KHDRBS2: variants seen among roughly 807,000 people sequenced by gnomAD.
KHDRBS2 encodes the protein KH RNA binding domain containing, signal transduction associated 2, also known as KH domain-containing, RNA-binding, signal transduction-associated protein 2.
In KHDRBS2, 26 loss-of-function variants were observed where a neutral mutation model predicts 44.3. The observed-to-expected ratio is 0.59, with a 90% CI of 0.43 to 0.81. The LOEUF (loss-of-function observed/expected upper bound fraction) is 0.81, where lower values mean the gene tolerates loss of function less well. Ranked by LOEUF, KHDRBS2 falls within the 40% of genes least tolerant of loss-of-function variation. KHDRBS2 has a pLI of 0.00. For synonymous variants in KHDRBS2, 194 were observed against 151.1 expected (o/e 1.28, Z -2.08); for missense variants, 476 against 433.1 (o/e 1.10, Z -0.88).
intron 2 of KHDRBS2, among the ~76,000 whole-genome samples, chr6:62,105,506 G>T (rs979944526): frequency 1.7e-4 from 26 of 152,236 alleles, no homozygotes; most frequent in Middle Eastern, 3.4e-3. Flanking sequence ...TTAGTCTTGG[G>T]AGGGTGTATG....
chr6:61,561,427 G>A, the KHDRBS2 span, among the ~76,000 whole-genome samples: 3,717 of 152,260 alleles, frequency 0.024, 70 homozygotes, highest in Middle Eastern at 0.085. Context: ...GTCCTTCTAC[G>A]AAGGGCAGTG....
chr6:62,164,338 C>T (rs1271171359), intron 2 of KHDRBS2, among the ~76,000 whole-genome samples: 1 of 151,914 alleles, frequency 6.6e-6, no homozygotes, highest in Non-Finnish European at 1.5e-5. Flanking sequence ...GGCATATAGA[C>T]AACACATAAT....
chr6:62,044,816 T>C (rs1469762713), intron 3 of KHDRBS2, among the ~76,000 whole-genome samples: 1 of 152,102 alleles, frequency 6.6e-6, no homozygotes, highest in Non-Finnish European at 1.5e-5. Flanking sequence ...CTAATCTTTG[T>C]AAAGTCAGGC....
At chr6:62,042,253 C>T (rs1786688470) in intron 3 of KHDRBS2, among the ~76,000 whole-genome samples, 1 of 152,006 alleles carries the variant, frequency 6.6e-6, no homozygotes, top group African/African-American at 2.4e-5. Context: ...TTCCACTTAT[C>T]TATATTTTAT....
intron 2 of KHDRBS2, among the ~76,000 whole-genome samples, chr6:62,080,518 G>T (rs1188314139): frequency 6.6e-6 from 1 of 152,070 alleles, no homozygotes; most frequent in East Asian, 1.9e-4. Flanking sequence ...CTATAATATA[G>T]AATCCATTCT....
chr6:61,858,060 T>G (rs1796395956), intron 6 of KHDRBS2, among the ~76,000 whole-genome samples: 1 of 151,950 alleles, frequency 6.6e-6, no homozygotes, highest in Non-Finnish European at 1.5e-5. Context: ...CATTCAAGAT[T>G]GACATCATGG....
Position 61,980,598 on chromosome 6 carries a change from T to A in KHDRBS2, c.337-2386A>T, listed in dbSNP as rs554664758. Among the ~76,000 whole-genome samples the A allele has an allele frequency of 1.0e-3, 154 of 152,282 alleles. 1 individual carries two copies. Among genetic ancestry groups the A allele is most frequent in the African/African-American group, 3.6e-3 (148 of 41,564 alleles). ...TCTGAGGGATCAAAATTGATGCCCATTTATCAAACAAGATGGGCCTAAGGC... is the reference window on the plus strand; with the variant it reads ...TCTGAGGGATCAAAATTGATGCCCAATTATCAAACAAGATGGGCCTAAGGC... On this transcript the variant is annotated intron_variant, in intron 3 of 8. Transcript: ENST00000281156.
intron 1 of KHDRBS2, among the ~76,000 whole-genome samples, chr6:62,235,008 A>G (rs553840725): frequency 2.4e-4 from 37 of 151,894 alleles, no homozygotes; most frequent in Non-Finnish European, 3.8e-4. Context: ...AAAAATTCCC[A>G]AAACTTATTC....
At chr6:61,839,463 C>A (rs1426298143) in intron 6 of KHDRBS2, among the ~76,000 whole-genome samples, 1 of 152,018 alleles carries the variant, frequency 6.6e-6, no homozygotes, top group East Asian at 1.9e-4. Flanking sequence ...AGGCTAATAT[C>A]CAAATAGGCA....
chr6:61,700,863 A>C (rs1212487191), intron 7 of KHDRBS2, among the ~76,000 whole-genome samples: 1 of 152,028 alleles, frequency 6.6e-6, no homozygotes, highest in Non-Finnish European at 1.5e-5. Context: ...CACATGGAGC[A>C]GACTTATTTT....
At chr6:61,840,013 C>T (rs181320978) in intron 6 of KHDRBS2, among the ~76,000 whole-genome samples, 2 of 152,094 alleles carry the variant, frequency 1.3e-5, no homozygotes, top group East Asian at 3.9e-4. Context: ...GTAAAATAAT[C>T]TATTCAGTTT....
At chr6:61,892,430 G>C in intron 6 of KHDRBS2, among the ~76,000 whole-genome samples, 1 of 152,236 alleles carries the variant, frequency 6.6e-6, no homozygotes, top group South Asian at 2.1e-4. Flanking sequence ...CCAAAAAAGA[G>C]CCTGCATTGC....
At chr6:61,774,279 T>C (rs1313730602) in intron 6 of KHDRBS2, among the ~76,000 whole-genome samples, 4 of 152,322 alleles carry the variant, frequency 2.6e-5, no homozygotes, top group Non-Finnish European at 2.9e-5. Flanking sequence ...CCCATGAGCA[T>C]GGAATGTTCT....
At chr6:61,972,191 T>C (rs762604773) in intron 4 of KHDRBS2, among the ~76,000 whole-genome samples, 2 of 152,190 alleles carry the variant, frequency 1.3e-5, no homozygotes, top group South Asian at 2.1e-4. Flanking sequence ...GCTTCTTTTA[T>C]CTGTCTTCCA....
At chr6:61,849,898 G>A (rs757833982) in intron 6 of KHDRBS2, among the ~76,000 whole-genome samples, 13 of 152,108 alleles carry the variant, frequency 8.5e-5, no homozygotes, top group Non-Finnish European at 1.5e-4. Flanking sequence ...GGAAGTGCTA[G>A]TATCCAAAAC....
intron 7 of KHDRBS2, among the ~76,000 whole-genome samples, chr6:61,707,214 C>T (rs1769738905): frequency 6.6e-6 from 1 of 151,654 alleles, no homozygotes; most frequent in Non-Finnish European, 1.5e-5. Context: ...TGGCAAGAGC[C>T]AGAGTGTCAG....
chr6:62,061,408 G>T (rs928344381), intron 2 of KHDRBS2, among the ~76,000 whole-genome samples: 9 of 151,354 alleles, frequency 5.9e-5, no homozygotes, highest in East Asian at 2.0e-4. Context: ...GTCTGTAAAG[G>T]ATTTTATTTC....
At chr6:62,235,428 A>T (rs1331979474) in intron 1 of KHDRBS2, among the ~76,000 whole-genome samples, 2 of 152,006 alleles carry the variant, frequency 1.3e-5, no homozygotes, top group Non-Finnish European at 2.9e-5. Context: ...ACTGAAAGTC[A>T]CATTATCTTC....
At chr6:61,871,382 T>C (rs1284662917) in intron 6 of KHDRBS2, among the ~76,000 whole-genome samples, 4 of 152,198 alleles carry the variant, frequency 2.6e-5, no homozygotes, top group African/African-American at 4.8e-5. Flanking sequence ...CTATGTTTGA[T>C]TGGTGTACCT....
Sources: allele counts gnomAD v4.1 joint callset (sites outside exome capture counted in the v4.1 genomes callset), GRCh38; gene constraint gnomAD v4.1.1; transcripts MANE v1.5; gene names NCBI Gene and HGNC (gene_info 2026-07-23, HGNC 2026-07-21).